Variants in TOPBP1 observed in about 807,000 individuals in gnomAD.
The protein encoded by TOPBP1 is DNA topoisomerase 2-binding protein 1.
A neutral mutation model predicts 167.7 loss-of-function variants in TOPBP1; 28 were observed. The observed-to-expected ratio is 0.17, with a 90% CI of 0.12 to 0.23. TOPBP1 has a LOEUF of 0.23. TOPBP1 is among the 10% of genes least tolerant of loss of function. The pLI is 1.00. For missense variants in TOPBP1, 1,554 were observed against 1,809.6 expected (o/e 0.86, Z 2.56); for synonymous variants, 598 against 611.4 (o/e 0.98, Z 0.32).
Position 133,628,585 on chromosome 3 carries a change from T to C in TOPBP1, c.2669A>G (p.Gln890Arg). Residue 890 changes from glutamine to arginine, a missense_variant, in exon 15 of 28, where the codon CAA (glutamine) becomes CGA (arginine). This residue lies in a region of TOPBP1 where 1,197 missense variants were observed against 1,351.5 expected (regional missense o/e 0.89). Transcript: ENST00000260810. ...CTTCTCTGACTGGGCCTCTTTCAGT[T>C]GAGGGCTGGCAGAAAGAGCGACAGC... is the stretch of plus-strand genomic sequence containing the variant. ...RNAVALSASP[Q>R]LKEAQSEKEE... The C allele has an allele frequency of 6.2e-7, 1 of 1,611,526 alleles. No individual in the cohort carries two copies. Among genetic ancestry groups the C allele is most frequent in the Non-Finnish European group, 8.5e-7 (1 of 1,178,836 alleles).
chr3:133,610,351 C>T (rs893472800), intron 25 of TOPBP1, among the ~76,000 whole-genome samples: 1 of 152,134 alleles, frequency 6.6e-6, no homozygotes. Context: ...CATTAATACA[C>T]AGAAGTTTGT....
chr3:133,606,495 CT>C (rs750468980), intron 27 of TOPBP1, among the ~76,000 whole-genome samples: 6,645 of 125,440 alleles, frequency 0.053, 108 homozygotes, highest in African/African-American at 0.1. Context: ...CACTCTAGGC[CT>C]TTTTTTTTTT....
rs771717063 is a variant in TOPBP1, at chr3:133,618,330, T to A, written c.3475A>T (p.Ser1159Cys). 10 of 1,613,898 alleles carry A rather than the reference T, an allele frequency of 6.2e-6. No individual in the cohort carries two copies. ...TAREERARLA[S>C]NLQWPSCPTQ... ...GGACAACTAGGCCACTGCAAATTGCTGGCAAGCCTTGCTCTCTCCTCCCTT... is the reference window on the plus strand; with the variant it reads ...GGACAACTAGGCCACTGCAAATTGCAGGCAAGCCTTGCTCTCTCCTCCCTT... Residue 1159 changes from serine (S) to cysteine (C), a missense_variant, in exon 21 of 28, where the codon AGC becomes TGC. Ser to Cys is a moderately radical substitution (Grantham distance 112, BLOSUM62 -1). Around this residue, in one of 3 missense-constraint regions of TOPBP1, gnomAD observed 351 missense variants for 432.9 expected, o/e 0.81. Coordinates refer to ENST00000260810, the MANE Select transcript of TOPBP1 (RefSeq NM_007027.4).
intron 16 of TOPBP1, among the ~76,000 whole-genome samples, chr3:133,626,244 C>T (rs1038508981): frequency 3.9e-5 from 6 of 152,126 alleles, no homozygotes. Flanking sequence ...ATGAACCAGC[C>T]CATACACCCT....
At chr3:133,656,160 G>A (rs1194313319) in intron 5 of TOPBP1, among the ~76,000 whole-genome samples, 1 of 151,510 alleles carries the variant, frequency 6.6e-6, no homozygotes, top group Non-Finnish European at 1.5e-5. Flanking sequence ...ATCTTGTTTT[G>A]CTTACTACAT....
intron 3 of TOPBP1, 62 bp downstream of exon 3, chr3:133,658,954 C>T (rs1936584165): frequency 2.0e-6 from 3 of 1,499,566 alleles, no homozygotes; most frequent in Non-Finnish European, 2.7e-6. Flanking sequence ...AATGTATGTC[C>T]ATTAAAGCAA....
chr3:133,606,396 C>A (rs769323016), intron 27 of TOPBP1, among the ~76,000 whole-genome samples: 3 of 151,228 alleles, frequency 2.0e-5, no homozygotes, highest in Non-Finnish European at 1.5e-5. Flanking sequence ...TAGAGACATT[C>A]TAGGTTTATG....
At chr3:133,623,966 G>A (rs902396037) in intron 17 of TOPBP1, 86 bp downstream of exon 17, 5 of 1,460,630 alleles carry the variant, frequency 3.4e-6, no homozygotes, top group African/African-American at 1.4e-5. Context: ...TCCATTGAGA[G>A]TGAAAACTCT....
chr3:133,650,725 T>C (rs1936264229), intron 8 of TOPBP1, among the ~76,000 whole-genome samples: 1 of 152,192 alleles, frequency 6.6e-6, no homozygotes, highest in Admixed American at 6.5e-5. Context: ...GAATATATTT[T>C]AACAAATATT....
intron 8 of TOPBP1, among the ~76,000 whole-genome samples, chr3:133,650,454 C>T (rs1936252265): frequency 6.6e-6 from 1 of 151,892 alleles, no homozygotes; most frequent in African/African-American, 2.4e-5. Flanking sequence ...AATTTTCTTA[C>T]CTATAAATTG....
Position 133,601,056 on chromosome 3 carries a change from T to C in TOPBP1, c.*194A>G. Reference sequence around the variant, plus strand: ...ATTTTGTTGTTATTTCAGGTAACTTTTTATTAAGAAACAGTTAATATTTCA... The same window carrying C: ...ATTTTGTTGTTATTTCAGGTAACTTCTTATTAAGAAACAGTTAATATTTCA... On this transcript the variant is annotated 3_prime_UTR_variant, in exon 28 of 28. Coordinates refer to ENST00000260810, the MANE Select transcript of TOPBP1 (RefSeq NM_007027.4). 1 of 413,794 alleles carries C rather than the reference T, an allele frequency of 2.4e-6. No homozygotes were observed. The highest frequency in any genetic ancestry group is 4.1e-5 in the South Asian group (1 of 24,588). The allele number at this position is 413,794 out of a possible 1,614,324, so 25.6% of individuals were successfully genotyped here. A position where few individuals can be genotyped will look rare whatever the true frequency, so the allele number is the denominator to read the frequency against.
intron 16 of TOPBP1, among the ~76,000 whole-genome samples, chr3:133,625,746 A>G (rs1035444722): frequency 6.6e-5 from 10 of 152,098 alleles, no homozygotes; most frequent in Non-Finnish European, 1.5e-4. Flanking sequence ...AAAAAAAAGA[A>G]TTAAGAAAAA....
At chr3:133,617,560 A>C (rs1396670610) in intron 21 of TOPBP1, 3 of 354,014 alleles carry the variant, frequency 8.5e-6, no homozygotes, top group Non-Finnish European at 1.5e-5. Flanking sequence ...TAAACAGAGC[A>C]AGTGTGTTAT....
intron 21 of TOPBP1, 35 bp from the exon 22 acceptor site, chr3:133,617,361 C>G: frequency 6.6e-7 from 1 of 1,522,106 alleles, no homozygotes; most frequent in Non-Finnish European, 8.8e-7. Context: ...GTGACAGGAT[C>G]CAAATAAGAC....
intron 27 of TOPBP1, among the ~76,000 whole-genome samples, chr3:133,601,831 G>A (rs1439062549): frequency 6.6e-6 from 1 of 152,062 alleles, no homozygotes; most frequent in Admixed American, 6.5e-5. Context: ...TATTATAAGT[G>A]TAATAAAACT....
chr3:133,643,313 T>C lies in TOPBP1; in HGVS notation c.1908A>G (p.Pro636=). Residue 636 remains proline, a synonymous_variant, in exon 12 of 28, where the codon CCA becomes CCG. Coordinates refer to ENST00000260810, the MANE Select transcript of TOPBP1 (RefSeq NM_007027.4). ...FDPKSNPLFT[P]VPVMTGMTPL... is the part of the protein sequence containing the mutation. ...GAGTCATTCCTGTCATTACTGGAAC[T>C]GGTGTGAAGAGAGGATTCGACTTTG... is the stretch of plus-strand genomic sequence containing the variant. 1.2e-6 allele frequency: 2 copies of C among 1,612,042 alleles called. No individual in the cohort carries two copies. The highest frequency in any genetic ancestry group is 8.5e-7 in the Non-Finnish European group (1 of 1,179,084).
intron 27 of TOPBP1, among the ~76,000 whole-genome samples, chr3:133,606,085 G>A (rs4854736): frequency 0.31 from 47,321 of 151,832 alleles, 9,140 homozygotes; most frequent in East Asian, 0.51. Context: ...CTAGCTACTT[G>A]GGAGGCTGAG....
intron 23 of TOPBP1, among the ~76,000 whole-genome samples, chr3:133,613,593 T>C (rs1934755855): frequency 6.6e-6 from 1 of 151,628 alleles, no homozygotes; most frequent in Non-Finnish European, 1.5e-5. Context: ...CACACACAGA[T>C]AAATAAGAGA....
intron 14 of TOPBP1, among the ~76,000 whole-genome samples, chr3:133,629,477 T>C (rs1241510632): frequency 6.6e-6 from 1 of 152,172 alleles, no homozygotes; most frequent in African/African-American, 2.4e-5. Context: ...TAATCTCAGC[T>C]ACTCCAGAGA....
Sources: allele counts gnomAD v4.1 joint callset (sites outside exome capture counted in the v4.1 genomes callset), GRCh38; gene constraint gnomAD v4.1.1; regional missense constraint gnomAD v4.1.1; transcripts MANE v1.5; gene names NCBI Gene and HGNC (gene_info 2026-07-23, HGNC 2026-07-21).